Variants in GSDME observed in about 807,000 individuals in gnomAD.
GSDME encodes the protein gasdermin E.
GSDME carries 44 observed loss-of-function variants against 47.5 expected under a neutral mutation model. The observed-to-expected ratio is 0.93, with a 90% CI of 0.73 to 1.19. GSDME has a LOEUF of 1.19. Among genes scored for constraint, GSDME ranks in the 50% most tolerant of loss-of-function variants. GSDME has a pLI of 0.00. For missense variants in GSDME, 663 were observed against 604.2 expected (o/e 1.10, Z -1.02); for synonymous variants, 258 against 252.8 (o/e 1.02, Z -0.20).
intron 3 of GSDME, among the ~76,000 whole-genome samples, chr7:24,738,678 A>T (rs1457177461): frequency 6.6e-6 from 1 of 152,232 alleles, no homozygotes; most frequent in East Asian, 1.9e-4. Flanking sequence ...AGCCAAAGCT[A>T]CCTTGAGCAA....
chr7:24,762,985 C>T, the GSDME span, among the ~76,000 whole-genome samples: 1 of 152,128 alleles, frequency 6.6e-6, no homozygotes, highest in African/African-American at 2.4e-5. Context: ...GAGACTCCCT[C>T]ATGGGAGATT....
the GSDME span, among the ~76,000 whole-genome samples, chr7:24,777,984 A>T: frequency 6.7e-6 from 1 of 148,394 alleles, no homozygotes; most frequent in Non-Finnish European, 1.5e-5. Flanking sequence ...CCTTGAATCC[A>T]CTCCAGCTTC....
Position 24,719,035 on chromosome 7 carries a change from G to T in GSDME, c.576+12C>A. The T allele has an allele frequency of 6.2e-7, 1 of 1,611,634 alleles. No individual in the cohort carries two copies. Among genetic ancestry groups the T allele is most frequent in the Admixed American group, 1.7e-5 (1 of 60,024 alleles). On this transcript the variant is annotated intron_variant, in intron 4 of 9. Coordinates refer to ENST00000645220, the MANE Select transcript of GSDME (RefSeq NM_001127453.2). ...CTCAGCCATGAACGCAGGGCAGCCC[G>T]ACTGCACGCACCTGCACCGTCTTGG...
chr7:24,710,260 A>T lies in GSDME; in HGVS notation c.826T>A (p.Ser276Thr). 6.2e-7 allele frequency: 1 copy of T among 1,614,180 alleles called. No individual in the cohort carries two copies. The highest frequency in any genetic ancestry group is 8.5e-7 in the Non-Finnish European group (1 of 1,180,046). ...ACACTTAATGGTCCATCCTGGGAAGATATCCCATGCGCAGCATCTGGCATG... is the reference window on the plus strand; with the variant it reads ...ACACTTAATGGTCCATCCTGGGAAGTTATCCCATGCGCAGCATCTGGCATG... ...IDMPDAAHGI[S>T]SQDGPLSVLK... Residue 276 changes from serine to threonine, a missense_variant, in exon 6 of 10, where the codon TCT (serine) becomes ACT (threonine). Ser to Thr is a moderately conservative substitution (Grantham distance 58, BLOSUM62 1). Transcript: ENST00000645220.
the GSDME span, among the ~76,000 whole-genome samples, chr7:24,769,173 G>A: frequency 2.7e-4 from 41 of 152,216 alleles, no homozygotes; most frequent in Non-Finnish European, 4.6e-4. Flanking sequence ...TTGTCTTGGA[G>A]AGACAGACAT....
chr7:24,709,225 A>G (rs1354996489), intron 6 of GSDME, among the ~76,000 whole-genome samples: 2 of 152,226 alleles, frequency 1.3e-5, no homozygotes, highest in African/African-American at 4.8e-5. Context: ...CCTGCTGACC[A>G]GAATGGCCAA....
chr7:24,700,547 T>C (rs1788822019), intron 9 of GSDME, among the ~76,000 whole-genome samples: 1 of 152,208 alleles, frequency 6.6e-6, no homozygotes, highest in Admixed American at 6.5e-5. Context: ...TCCTGAGCAG[T>C]GGTGACTATC....
At chr7:24,715,400 T>C (rs1032579525) in intron 5 of GSDME, 32 of 465,702 alleles carry the variant, frequency 6.9e-5, no homozygotes, top group Non-Finnish European at 1.4e-4. Context: ...GTTCATTAGC[T>C]TGACTCAGTA....
the GSDME span, among the ~76,000 whole-genome samples, chr7:24,767,606 G>A: frequency 1.4e-5 from 2 of 146,650 alleles, no homozygotes; most frequent in African/African-American, 5.1e-5. The surrounding 1 kb of genome is among the most constrained non-coding windows in gnomAD (Gnocchi z 5.3). Flanking sequence ...AAAGGAAAAT[G>A]GAGTTGTAGA....
At chr7:24,723,063 G>A (rs1258563758) in intron 3 of GSDME, among the ~76,000 whole-genome samples, 1 of 152,216 alleles carries the variant, frequency 6.6e-6, no homozygotes, top group Middle Eastern at 3.2e-3. Context: ...GAAACTGCAG[G>A]CATCATCCAC....
intron 6 of GSDME, 97 bp downstream of exon 6, chr7:24,710,127 A>G: frequency 7.6e-7 from 1 of 1,314,930 alleles, no homozygotes. Context: ...TCTGTGAGTC[A>G]CTGAGGGGTC....
At chr7:24,782,463 T>C in the GSDME span, among the ~76,000 whole-genome samples, 1 of 152,172 alleles carries the variant, frequency 6.6e-6, no homozygotes, top group Non-Finnish European at 1.5e-5. Flanking sequence ...ATCCAGTCTA[T>C]CATTGATGGA....
At chr7:24,747,625 C>G (rs1562714444) in intron 2 of GSDME, among the ~76,000 whole-genome samples, 1 of 152,168 alleles carries the variant, frequency 6.6e-6, no homozygotes, top group African/African-American at 2.4e-5. Context: ...AAAACTACAA[C>G]AAAAATGCAC....
chr7:24,709,030 T>C (rs1457463732), intron 6 of GSDME, among the ~76,000 whole-genome samples: 1 of 152,236 alleles, frequency 6.6e-6, no homozygotes, highest in Non-Finnish European at 1.5e-5. Context: ...TACATCAATG[T>C]ACCACCCATG....
intron 4 of GSDME, among the ~76,000 whole-genome samples, 197 bp from the exon 5 acceptor site, chr7:24,717,571 G>C (rs2128052975): frequency 6.6e-6 from 1 of 152,306 alleles, no homozygotes; most frequent in Admixed American, 6.5e-5. Flanking sequence ...AAATTCCCAA[G>C]TAAACGGCCA....
intron 1 of GSDME, among the ~76,000 whole-genome samples, chr7:24,753,282 C>T (rs943424744): frequency 1.3e-5 from 2 of 152,226 alleles, no homozygotes; most frequent in African/African-American, 4.8e-5. Context: ...CTCCTCTCCC[C>T]TTCAGCCATA....
intron 3 of GSDME, among the ~76,000 whole-genome samples, chr7:24,722,425 A>G (rs117006578): frequency 0.015 from 2,344 of 152,350 alleles, 28 homozygotes; most frequent in Non-Finnish European, 0.024. Flanking sequence ...ACCACCGGTC[A>G]GAACATACAT....
chr7:24,699,154 C>G lies in GSDME; in HGVS notation c.1363G>C (p.Ala455Pro), dbSNP rs776603496. The change falls in exon 10 of 10, where the codon GCT (alanine) becomes CCT (proline). Residue 455 changes from alanine (A) to proline (P), a missense_variant. By Grantham distance (27) the Ala-to-Pro change is conservative. Transcript: ENST00000645220. ...TTCAGTCTCTCCAGACTAATGTCAG[C>G]TGAGGCAAACAAGCGCTGCACAATC... is the stretch of plus-strand genomic sequence containing the variant. Reference protein sequence around the residue: ...FGIVQRLFASADISLERLKSS... With the variant: ...FGIVQRLFASPDISLERLKSS... The G allele has an allele frequency of 6.2e-7, 1 of 1,614,174 alleles. No homozygotes were observed. The highest frequency in any genetic ancestry group is 8.5e-7 in the Non-Finnish European group (1 of 1,180,014).
intron 7 of GSDME, 127 bp downstream of exon 7, chr7:24,708,000 G>T: frequency 8.2e-7 from 1 of 1,223,142 alleles, no homozygotes; most frequent in Non-Finnish European, 1.2e-6. Flanking sequence ...GGACCCAAGA[G>T]TCAGAAAAGA....
Sources: allele counts gnomAD v4.1 joint callset (sites outside exome capture counted in the v4.1 genomes callset), GRCh38; gene constraint gnomAD v4.1.1; non-coding constraint Gnocchi (gnomAD v3.1); transcripts MANE v1.5; gene names NCBI Gene and HGNC (gene_info 2026-07-23, HGNC 2026-07-21).